Variants in RNGTT observed in about 807,000 individuals in gnomAD.
RNGTT encodes mRNA-capping enzyme.
A neutral mutation model predicts 79.3 loss-of-function variants in RNGTT; 33 were observed. The observed-to-expected ratio is 0.42, with a 90% CI of 0.32 to 0.56. The LOEUF (loss-of-function observed/expected upper bound fraction) is 0.56. Among genes scored for constraint, RNGTT ranks in the 20% least tolerant of loss-of-function variants. The probability of loss-of-function intolerance (pLI) is 0.17; values close to 1 mark genes in which losing one functional copy is unlikely to be tolerated. For missense variants in RNGTT, 497 were observed against 739.1 expected (o/e 0.67, Z 3.80); for synonymous variants, 222 against 235.9 (o/e 0.94, Z 0.54).
At chr6:88,820,915 C>A (rs1466757951) in intron 11 of RNGTT, among the ~76,000 whole-genome samples, 2 of 152,058 alleles carry the variant, frequency 1.3e-5, no homozygotes, top group East Asian at 3.9e-4. Flanking sequence ...CAATCCCAAC[C>A]AAAATCCCAG....
chr6:88,862,805 T>C (rs976109600), intron 8 of RNGTT, among the ~76,000 whole-genome samples: 2 of 152,222 alleles, frequency 1.3e-5, no homozygotes, highest in Non-Finnish European at 2.9e-5. Flanking sequence ...TTTTGACTTT[T>C]TACTGCTGCT....
intron 8 of RNGTT, among the ~76,000 whole-genome samples, chr6:88,885,479 T>TA (rs773052936): frequency 6.6e-6 from 1 of 151,860 alleles, no homozygotes; most frequent in African/African-American, 2.4e-5. Flanking sequence ...CTGATAGGAA[T>TA]AAAAAAAGCA....
At chr6:88,679,774 T>A (rs1775018558) in intron 13 of RNGTT, among the ~76,000 whole-genome samples, 1 of 152,218 alleles carries the variant, frequency 6.6e-6, no homozygotes, top group Non-Finnish European at 1.5e-5. Flanking sequence ...AATATTCTTG[T>A]GTTTAACTGA....
intron 4 of RNGTT, among the ~76,000 whole-genome samples, chr6:88,918,094 T>A (rs1487507093): frequency 6.7e-6 from 1 of 149,902 alleles, no homozygotes; most frequent in Non-Finnish European, 1.5e-5. Flanking sequence ...GAGGCGGGAA[T>A]ATCACTTGAG....
At chr6:88,723,491 C>T (rs528961120) in intron 13 of RNGTT, among the ~76,000 whole-genome samples, 1 of 152,170 alleles carries the variant, frequency 6.6e-6, no homozygotes, top group South Asian at 2.1e-4. Flanking sequence ...TATTTTCATA[C>T]TTTCTCTAAT....
At chr6:88,848,387 T>C (rs760496821) in intron 10 of RNGTT, among the ~76,000 whole-genome samples, 7 of 151,986 alleles carry the variant, frequency 4.6e-5, no homozygotes, top group Non-Finnish European at 8.8e-5. Context: ...TAGCGAAATT[T>C]TCATGTGCGC....
At chr6:88,783,167 G>A (rs1779118582) in intron 12 of RNGTT, among the ~76,000 whole-genome samples, 1 of 152,190 alleles carries the variant, frequency 6.6e-6, no homozygotes, top group Admixed American at 6.5e-5. Context: ...TGGATGAATG[G>A]TTAAAGAAAA....
At chr6:88,772,000 A>G (rs896947885) in intron 12 of RNGTT, among the ~76,000 whole-genome samples, 13 of 152,218 alleles carry the variant, frequency 8.5e-5, no homozygotes, top group Non-Finnish European at 1.6e-4. Flanking sequence ...CAAGAAAGCA[A>G]GACCTTATCT....
chr6:88,833,726 G>T (rs545797616), intron 11 of RNGTT, among the ~76,000 whole-genome samples: 1 of 152,224 alleles, frequency 6.6e-6, no homozygotes, highest in Admixed American at 6.5e-5. Flanking sequence ...TATTTTGGAG[G>T]CCAATAACAT....
chr6:88,851,174 A>G (rs1562285097), intron 9 of RNGTT, among the ~76,000 whole-genome samples: 1 of 151,188 alleles, frequency 6.6e-6, no homozygotes, highest in Non-Finnish European at 1.5e-5. Context: ...TTGTATCTCA[A>G]TTTTTTTTAA....
rs1440011252 is a variant in RNGTT at position 88,632,536 on chromosome 6, GACACACAGACACACAC to G, written c.1507-18157_1507-18142del. On this transcript the variant is annotated intron_variant, in intron 14 of 15. Transcript: ENST00000369485. ...TATAGCAACCAACTACAGACACACAGACACACAGACACACACACACACACACACACACACACACACA... is the reference window on the plus strand; with the variant it reads ...TATAGCAACCAACTACAGACACACAGACACACACACACACACACACACACA... Among the ~76,000 whole-genome samples the G allele has an allele frequency of 2.0e-4, 20 of 98,476 alleles. 1 individual carries two copies. The East Asian group carries it at 2.7e-3, about 13-fold the overall frequency. 64.6% of individuals were successfully genotyped at this position (98,476 alleles called of 152,430 possible). A position where few individuals can be genotyped will look rare whatever the true frequency, so the allele number is the denominator to read the frequency against.
intron 13 of RNGTT, among the ~76,000 whole-genome samples, chr6:88,735,338 G>C (rs1185769159): frequency 6.6e-6 from 1 of 152,028 alleles, no homozygotes. Context: ...GAATTCAGCT[G>C]ACATTTATAG....
At chr6:88,637,947 A>G (rs1773161419) in intron 14 of RNGTT, among the ~76,000 whole-genome samples, 1 of 152,126 alleles carries the variant, frequency 6.6e-6, no homozygotes, top group Non-Finnish European at 1.5e-5. Flanking sequence ...CATACCCACT[A>G]CTACTTAGTT....
At chr6:88,925,813 T>C (rs1784301993) in intron 4 of RNGTT, among the ~76,000 whole-genome samples, 1 of 152,104 alleles carries the variant, frequency 6.6e-6, no homozygotes, top group African/African-American at 2.4e-5. Context: ...TTCGAGGCTG[T>C]AGTGTGCTAT....
chr6:88,689,496 A>G (rs926638325), intron 13 of RNGTT, among the ~76,000 whole-genome samples: 1 of 151,910 alleles, frequency 6.6e-6, no homozygotes, highest in African/African-American at 2.4e-5. Flanking sequence ...CAGGAAGTTG[A>G]AGCAGGAGAA....
At chr6:88,952,016 G>C (rs2127964312) in intron 1 of RNGTT, among the ~76,000 whole-genome samples, 2 of 152,276 alleles carry the variant, frequency 1.3e-5, no homozygotes, top group South Asian at 4.2e-4. Context: ...GGTAGGGCCT[G>C]AAAGCCATGC....
intron 12 of RNGTT, among the ~76,000 whole-genome samples, chr6:88,780,106 G>C (rs1178915843): frequency 6.6e-6 from 1 of 152,094 alleles, no homozygotes; most frequent in East Asian, 1.9e-4. Flanking sequence ...AAAATATATT[G>C]AAATACCCAT....
rs1049005631 is a variant in RNGTT at position 88,779,871 on chromosome 6, T to C, written c.1339-9997A>G. On this transcript the variant is annotated intron_variant, in intron 12 of 15. Coordinates refer to ENST00000369485, the MANE Select transcript of RNGTT (RefSeq NM_003800.5). Reference sequence around the variant, plus strand: ...AGCTAGGCATGGTGGTGCATGTTTGTAGTCCCAGCCACCTGGGGGGGCCAA... The same window carrying C: ...AGCTAGGCATGGTGGTGCATGTTTGCAGTCCCAGCCACCTGGGGGGGCCAA... Among the ~76,000 whole-genome samples the C allele has an allele frequency of 5.9e-5, 9 of 152,266 alleles. No individual in the cohort carries two copies. In the South Asian group the frequency reaches 1.5e-3, roughly 25 times the overall value.
intron 14 of RNGTT, among the ~76,000 whole-genome samples, chr6:88,630,548 T>C (rs564922607): frequency 4.1e-4 from 62 of 152,276 alleles, no homozygotes; most frequent in African/African-American, 1.4e-3. Flanking sequence ...TAGATAAATG[T>C]TGAGTAGGCC....
Sources: allele counts gnomAD v4.1 joint callset (sites outside exome capture counted in the v4.1 genomes callset), GRCh38; gene constraint gnomAD v4.1.1; transcripts MANE v1.5; gene names NCBI Gene and HGNC (gene_info 2026-07-23, HGNC 2026-07-21).